FANCB: variants seen among roughly 807,000 people sequenced by gnomAD.
FANCB encodes the protein Fanconi anemia group B protein.
Under a neutral mutation model 38.9 loss-of-function variants are expected in FANCB, and 5 were observed. The observed-to-expected ratio is 0.13, with a 90% CI of 0.07 to 0.27. FANCB has a LOEUF of 0.27. FANCB is among the 10% of genes least tolerant of loss of function. The probability of loss-of-function intolerance (pLI) is 1.00; values close to 1 mark genes in which losing one functional copy is unlikely to be tolerated. For missense variants in FANCB, 573 were observed against 602.7 expected (o/e 0.95, Z 0.52); for synonymous variants, 236 against 215.4 (o/e 1.10, Z -0.84).
At chrX:14,814,150 C>T in the FANCB span, among the ~76,000 whole-genome samples, 9 of 111,351 alleles carry the variant, frequency 8.1e-5, no homozygotes, top group East Asian at 5.6e-4. Context: ...GGATCCCTTC[C>T]TTACACCTTA....
At chrX:14,869,089 T>C (rs1304439704) in intron 1 of FANCB, 46 bp from the exon 2 acceptor site, 7 of 111,574 alleles carry the variant, frequency 6.3e-5, no homozygotes, top group Admixed American at 4.8e-4. Context: ...TCCATCAAAA[T>C]GTATGAATAA....
chrX:14,811,769 A>C, the FANCB span, among the ~76,000 whole-genome samples: 210 of 111,427 alleles, frequency 1.9e-3, 1 homozygote, highest in Non-Finnish European at 3.3e-3. Flanking sequence ...ACAGAAAGTT[A>C]ACAAGGATAC....
the FANCB span, among the ~76,000 whole-genome samples, chrX:14,757,638 C>T: frequency 1.8e-5 from 2 of 111,419 alleles, no homozygotes; most frequent in East Asian, 2.8e-4. Context: ...TTTAGAGAGC[C>T]GAACAAAGTA....
the FANCB span, among the ~76,000 whole-genome samples, chrX:14,771,288 T>C: frequency 9.0e-6 from 1 of 111,373 alleles, no homozygotes; most frequent in South Asian, 3.8e-4. Context: ...GTAGGTTAGG[T>C]CTCTTTACAT....
At chrX:14,814,342 A>C in the FANCB span, among the ~76,000 whole-genome samples, 2 of 112,145 alleles carry the variant, frequency 1.8e-5, no homozygotes, top group Admixed American at 9.4e-5. Context: ...AATTAAACTA[A>C]AGAGCTTCTG....
At chrX:14,817,736 G>A in the FANCB span, among the ~76,000 whole-genome samples, 1 of 111,526 alleles carries the variant, frequency 9.0e-6, no homozygotes, top group African/African-American at 3.3e-5. Context: ...ATTCAGGGTA[G>A]TGTATAAGGC....
At chrX:14,729,378 C>A in the FANCB span, among the ~76,000 whole-genome samples, 153 of 111,010 alleles carry the variant, frequency 1.4e-3, no homozygotes, top group Non-Finnish European at 2.5e-3. Context: ...CCGTTTGACC[C>A]CCTCCTTTGA....
the FANCB span, among the ~76,000 whole-genome samples, chrX:14,814,981 T>A: frequency 8.9e-6 from 1 of 112,053 alleles, no homozygotes; most frequent in Non-Finnish European, 1.9e-5. Context: ...TATGGAATAC[T>A]ATGCAGTCAT....
chrX:14,838,558 A>G (rs769241420), downstream of FANCB, among the ~76,000 whole-genome samples: 1 of 112,045 alleles, frequency 8.9e-6, no homozygotes, highest in Admixed American at 9.4e-5. Flanking sequence ...TTCAAGTATT[A>G]AAGCATATTG....
the FANCB span, among the ~76,000 whole-genome samples, chrX:14,807,391 G>C: frequency 8.9e-6 from 1 of 112,477 alleles, no homozygotes; most frequent in Non-Finnish European, 1.9e-5. Context: ...ATGTATGAGA[G>C]ATAATATATC....
At chrX:14,750,942 T>A in the FANCB span, among the ~76,000 whole-genome samples, 1 of 107,696 alleles carries the variant, frequency 9.3e-6, no homozygotes, top group Non-Finnish European at 1.9e-5. Context: ...TAATCCCTGC[T>A]CCAGCCCAAG....
the FANCB span, among the ~76,000 whole-genome samples, chrX:14,825,490 G>A: frequency 9.0e-6 from 1 of 111,613 alleles, no homozygotes; most frequent in Non-Finnish European, 1.9e-5. Flanking sequence ...CTCATTCATT[G>A]TTTTTAATTT....
chrX:14,840,278 C>T (rs1601973322), downstream of FANCB, among the ~76,000 whole-genome samples: 1 of 112,075 alleles, frequency 8.9e-6, no homozygotes, highest in East Asian at 2.8e-4. Context: ...GGCTTGATTG[C>T]CTTGTGATTA....
At chrX:14,814,083 C>T in the FANCB span, among the ~76,000 whole-genome samples, 1 of 111,734 alleles carries the variant, frequency 8.9e-6, no homozygotes, top group Admixed American at 9.5e-5. Flanking sequence ...GAAAAGATTC[C>T]CTATTTAATA....
chrX:14,816,108 C>A, the FANCB span, among the ~76,000 whole-genome samples: 1 of 111,646 alleles, frequency 9.0e-6, no homozygotes, highest in South Asian at 3.7e-4. Flanking sequence ...CCAGACTTCA[C>A]CAGTAGGCAA....
At chrX:14,718,863 A>C in the FANCB span, among the ~76,000 whole-genome samples, 1 of 111,969 alleles carries the variant, frequency 8.9e-6, no homozygotes, top group African/African-American at 3.2e-5. Context: ...ATACAGTGTC[A>C]TCTTCACTGC....
At chrX:14,789,397 C>T in the FANCB span, among the ~76,000 whole-genome samples, 6 of 111,614 alleles carry the variant, frequency 5.4e-5, no homozygotes, top group Non-Finnish European at 1.9e-5. Context: ...AGGAGAACTG[C>T]TTAAGACTAG....
chrX:14,704,462 C>A, the FANCB span, among the ~76,000 whole-genome samples: 353 of 112,302 alleles, frequency 3.1e-3, 1 homozygote, highest in African/African-American at 0.01. Flanking sequence ...ATAAAAAGAT[C>A]GAGCTAAATG....
chrX:14,751,952 T>C, the FANCB span, among the ~76,000 whole-genome samples: 2 of 112,123 alleles, frequency 1.8e-5, no homozygotes, highest in African/African-American at 6.5e-5. Context: ...GTCTTCCCTA[T>C]GGGCAATCCA....
Sources: gnomAD v4.1 joint callset for allele counts (sites outside exome capture counted in the v4.1 genomes callset) on GRCh38, gnomAD v4.1.1 for gene constraint, MANE v1.5 for transcripts, NCBI Gene and HGNC (gene_info 2026-07-23, HGNC 2026-07-21) for gene names.